ROBO1: variants seen among roughly 807,000 people sequenced by gnomAD.
The protein encoded by ROBO1 is roundabout homolog 1.
Under a neutral mutation model 195.9 loss-of-function variants are expected in ROBO1, and 149 were observed. The ratio of observed to expected loss-of-function variants is 0.76; its 90% CI spans 0.67 to 0.87. The LOEUF is 0.87. Ranked by LOEUF, ROBO1 falls within the 40% of genes least tolerant of loss-of-function variation. The pLI, the probability that ROBO1 is intolerant of heterozygous loss-of-function variation, is 0.00. For missense variants in ROBO1, 1,933 were observed against 2,068.3 expected (o/e 0.93, Z 1.27); for synonymous variants, 816 against 733.2 (o/e 1.11, Z -1.82).
chr3:78,863,041 G>C (rs1233213558), intron 4 of ROBO1, among the ~76,000 whole-genome samples: 1 of 152,274 alleles, frequency 6.6e-6, no homozygotes, highest in African/African-American at 2.4e-5. Context: ...TTCTATAGCA[G>C]TTTAATATCT....
In ROBO1 at chr3:78,805,241, T is replaced by C. The variant is rs1238948875; in HGVS notation, c.500-58341A>G. 2.6e-5 allele frequency among the ~76,000 whole-genome samples: 4 copies of C among 152,304 alleles called. No individual in the cohort carries two copies. The East Asian group carries it at 7.7e-4, about 29-fold the overall frequency. On this transcript the variant is annotated intron_variant, in intron 4 of 30. Transcript: ENST00000464233. ...ATGAAATTAAGAGATATTTAGAATT[T>C]ATGAACTTTTTTCTTTCCAAGTATT...
chr3:79,106,669 C>T (rs957652233), intron 3 of ROBO1, among the ~76,000 whole-genome samples: 5 of 151,260 alleles, frequency 3.3e-5, no homozygotes, highest in East Asian at 1.9e-4. Flanking sequence ...TGAGTTAACA[C>T]GAGTGTGAAT....
At chr3:78,717,642 C>T in intron 6 of ROBO1, 121 bp downstream of exon 6, 1 of 1,163,208 alleles carries the variant, frequency 8.6e-7, no homozygotes, top group East Asian at 2.6e-5. Context: ...TTCTTCTCTC[C>T]TCTTTCTACC....
At chr3:79,662,812 G>A (rs1168592228) in intron 1 of ROBO1, among the ~76,000 whole-genome samples, 1 of 152,054 alleles carries the variant, frequency 6.6e-6, no homozygotes, top group Admixed American at 6.6e-5. Context: ...CCATGCTGCT[G>A]TGGAAGAAAC....
In ROBO1 at chr3:79,173,415, C is replaced by T. The variant is rs571431207; in HGVS notation, c.89-47876G>A. Among the ~76,000 whole-genome samples the T allele has an allele frequency of 1.4e-3, 218 of 151,846 alleles. 1 individual carries two copies. The highest frequency in any genetic ancestry group is 4.9e-3 in the African/African-American group (202 of 41,392). On this transcript the variant is annotated intron_variant, in intron 2 of 30. Transcript: ENST00000464233. ...GAGTTCCAGGTGGGTGTGGGCTCGGCGGGCCCGCACTCCGAGCAGCTGGCC... is the reference window on the plus strand; with the variant it reads ...GAGTTCCAGGTGGGTGTGGGCTCGGTGGGCCCGCACTCCGAGCAGCTGGCC...
chr3:79,497,505 CA>C (rs1264159233), intron 2 of ROBO1, among the ~76,000 whole-genome samples: 3 of 152,026 alleles, frequency 2.0e-5, no homozygotes, highest in African/African-American at 7.2e-5. Context: ...GCAACATTCA[CA>C]ATATTATCTT....
intron 8 of ROBO1, among the ~76,000 whole-genome samples, chr3:78,698,947 C>G (rs1034466684): frequency 6.6e-6 from 1 of 152,156 alleles, no homozygotes; most frequent in Non-Finnish European, 1.5e-5. Flanking sequence ...TCAAATGCAA[C>G]TACCCAGCAA....
intron 7 of ROBO1, among the ~76,000 whole-genome samples, chr3:78,716,102 C>G (rs2081895724): frequency 6.6e-6 from 1 of 152,132 alleles, no homozygotes; most frequent in South Asian, 2.1e-4. Context: ...CCTTGCTTAT[C>G]AGACTGATAC....
intron 3 of ROBO1, among the ~76,000 whole-genome samples, chr3:79,043,947 C>T (rs1317925698): frequency 1.3e-5 from 2 of 152,060 alleles, no homozygotes; most frequent in African/African-American, 4.8e-5. Context: ...ACCTACAAAA[C>T]TTGCTCTACA....
intron 2 of ROBO1, among the ~76,000 whole-genome samples, chr3:79,191,132 A>G (rs1214228848): frequency 6.6e-6 from 1 of 151,544 alleles, no homozygotes; most frequent in African/African-American, 2.4e-5. Context: ...TGTGAGGGGC[A>G]AGTCATCTTA....
At chr3:79,729,946 T>C (rs949657211) in intron 1 of ROBO1, among the ~76,000 whole-genome samples, 1 of 152,232 alleles carries the variant, frequency 6.6e-6, no homozygotes, top group Non-Finnish European at 1.5e-5. Flanking sequence ...ATGATTTCTC[T>C]GTGAAAGATC....
intron 2 of ROBO1, among the ~76,000 whole-genome samples, chr3:79,332,122 G>T (rs1382302779): frequency 7.5e-6 from 1 of 133,394 alleles, no homozygotes; most frequent in East Asian, 2.2e-4. Flanking sequence ...TAGCCTGGGC[G>T]ACAGAGCAAG....
intron 3 of ROBO1, among the ~76,000 whole-genome samples, chr3:79,122,841 G>A (rs1185184425): frequency 6.6e-6 from 1 of 151,802 alleles, no homozygotes; most frequent in Non-Finnish European, 1.5e-5. Context: ...TGTTTTCCAG[G>A]ACTATACAGG....
At chr3:78,898,460 T>G (rs993228431) in intron 4 of ROBO1, among the ~76,000 whole-genome samples, 32 of 144,140 alleles carry the variant, frequency 2.2e-4, no homozygotes, top group African/African-American at 7.4e-4. Context: ...TGATCTCGGC[T>G]CACTGCAACC....
intron 3 of ROBO1, among the ~76,000 whole-genome samples, chr3:79,062,375 TA>T (rs2078934892): frequency 6.6e-6 from 1 of 152,014 alleles, no homozygotes; most frequent in Non-Finnish European, 1.5e-5. Flanking sequence ...TGTGGAGAAA[TA>T]GGAACATTTT....
chr3:79,240,446 T>C (rs897430711), intron 2 of ROBO1, among the ~76,000 whole-genome samples: 2 of 152,180 alleles, frequency 1.3e-5, no homozygotes, highest in African/African-American at 2.4e-5. Flanking sequence ...GTTAAAACAT[T>C]TAAGTCTGCT....
intron 2 of ROBO1, among the ~76,000 whole-genome samples, chr3:79,268,543 G>A (rs2030206512): frequency 6.6e-6 from 1 of 151,512 alleles, no homozygotes; most frequent in African/African-American, 2.4e-5. Flanking sequence ...TACACACCAT[G>A]TTGGTTTCAA....
intron 3 of ROBO1, among the ~76,000 whole-genome samples, chr3:79,053,641 A>G (rs1296237232): frequency 2.0e-5 from 3 of 151,754 alleles, no homozygotes; most frequent in African/African-American, 7.3e-5. Context: ...GCTAGTAATC[A>G]CCAGTACGCT....
At chr3:79,295,568 C>T (rs2032542593) in intron 2 of ROBO1, among the ~76,000 whole-genome samples, 1 of 152,058 alleles carries the variant, frequency 6.6e-6, no homozygotes, top group South Asian at 2.1e-4. Flanking sequence ...GCACATTCTG[C>T]ACACGTATCC....
Sources: allele counts gnomAD v4.1 joint callset (sites outside exome capture counted in the v4.1 genomes callset), GRCh38; gene constraint gnomAD v4.1.1; transcripts MANE v1.5; gene names NCBI Gene and HGNC (gene_info 2026-07-23, HGNC 2026-07-21).